The following PPEF2 variants were observed in gnomAD, a reference collection of about 807,000 sequenced individuals.
PPEF2 encodes protein phosphatase with EF-hand domain 2, also known as serine/threonine-protein phosphatase with EF-hands 2.
PPEF2 carries 84 observed loss-of-function variants against 84.7 expected under a neutral mutation model. The ratio of observed to expected loss-of-function variants is 0.99; its 90% confidence interval spans 0.83 to 1.19. The LOEUF (loss-of-function observed/expected upper bound fraction) is 1.19, where lower values mean the gene tolerates loss of function less well. Ranked by LOEUF, PPEF2 falls within the 50% of genes most tolerant of loss-of-function variation. The pLI is 0.00. For missense variants in PPEF2, 924 were observed against 937.5 expected (o/e 0.99, Z 0.19); for synonymous variants, 346 against 345.2 (o/e 1.00, Z -0.03).
At chr4:75,868,342 A>C (rs6531991) in intron 13 of PPEF2, among the ~76,000 whole-genome samples, 130,166 of 131,630 alleles carry the variant, frequency 0.99, 64,376 homozygotes, top group South Asian at 1. Context: ...AGAATATAAA[A>C]AGAGATAAAA....
Position 75,866,396 on chromosome 4 carries a change from A to T in PPEF2, c.1757-44T>A, listed in dbSNP as rs778834992. 4 of 1,602,598 alleles carry T rather than the reference A, an allele frequency of 2.5e-6. No homozygotes were observed. In the South Asian group the frequency reaches 3.4e-5, roughly 13 times the overall value. On this transcript the variant is annotated intron_variant, in intron 14 of 16. Transcript: ENST00000286719. ...CTGTTGCCTTGTCACCTAGAAGTCT[A>T]GTTTCCTGCCCAATGGTGTGTATAT...
At position 75,876,576 on chromosome 4, in the gene PPEF2, A is replaced by G. The variant is rs1724422206; in HGVS notation, c.1031T>C (p.Ile344Thr). Residue 344 changes from isoleucine to threonine, a missense_variant, in exon 11 of 17, where the codon ATC (isoleucine) becomes ACC (threonine). Transcript: ENST00000286719. ...ANQKSSAQGP[I>T]PWFLPESRSL... ...GCGGCTTTCGGGGAGAAACCATGGGATGGGTCCCTGTGCAGAGCTCTTCTG... is the reference window on the plus strand; with the variant it reads ...GCGGCTTTCGGGGAGAAACCATGGGGTGGGTCCCTGTGCAGAGCTCTTCTG... 6.2e-7 allele frequency: 1 copy of G among 1,613,942 alleles called. No individual in the cohort carries two copies. Among genetic ancestry groups the G allele is most frequent in the Non-Finnish European group, 8.5e-7 (1 of 1,179,964 alleles).
chr4:75,870,730 C>A (rs981869285), intron 13 of PPEF2, among the ~76,000 whole-genome samples: 1 of 152,080 alleles, frequency 6.6e-6, no homozygotes, highest in Admixed American at 6.6e-5. Flanking sequence ...GATTTAACAT[C>A]GGTTCTTTAA....
chr4:75,863,834 C>T (rs998642160), intron 16 of PPEF2, among the ~76,000 whole-genome samples: 5 of 150,988 alleles, frequency 3.3e-5, no homozygotes, highest in East Asian at 1.9e-4. Context: ...TGGCTATCTT[C>T]GATGGTAATA....
At chr4:75,863,133 C>T (rs537763882) in intron 16 of PPEF2, among the ~76,000 whole-genome samples, 2 of 151,978 alleles carry the variant, frequency 1.3e-5, no homozygotes, top group South Asian at 2.1e-4. Flanking sequence ...GCCAGGGACT[C>T]GTGGAGGAGG....
In PPEF2 at chr4:75,893,487, G is replaced by GACAC. The variant is rs10624574; in HGVS notation, c.56-1513_56-1510dup. Among the ~76,000 whole-genome samples, 722 of 148,834 alleles carry GACAC rather than the reference G, an allele frequency of 4.9e-3. 3 individuals are homozygous for GACAC. Among genetic ancestry groups the GACAC allele is most frequent in the African/African-American group, 0.012 (466 of 39,758 alleles). ...CACTTTAGCCTGGGCTAGAGACTCT[G>GACAC]ACACACACACACACACACACACTCA... On this transcript the variant is annotated intron_variant, in intron 2 of 16. Transcript: ENST00000286719.
chr4:75,861,019 CAGAG>C (rs1399357453), intron 16 of PPEF2, 99 bp from the exon 17 acceptor site: 2 of 1,331,822 alleles, frequency 1.5e-6, no homozygotes, highest in Non-Finnish European at 2.1e-6. Context: ...TACTGCTCAA[CAGAG>C]AGACACACAA....
chr4:75,884,299 G>T (rs547327199), intron 8 of PPEF2, among the ~76,000 whole-genome samples: 16 of 151,882 alleles, frequency 1.1e-4, no homozygotes, highest in Admixed American at 1.0e-3. Flanking sequence ...ATGGTGGTGC[G>T]TGCCTGTAAT....
chr4:75,876,661 T>C lies in PPEF2; in HGVS notation c.946A>G (p.Met316Val), dbSNP rs866894991. The C allele has an allele frequency of 3.9e-6, 6 of 1,549,000 alleles. No individual in the cohort carries two copies. Among genetic ancestry groups the C allele is most frequent in the Middle Eastern group, 3.5e-4 (2 of 5,750 alleles). The change falls in exon 11 of 17, where the codon ATG becomes GTG. Residue 316 changes from methionine to valine, a missense_variant. Met to Val is a conservative substitution (Grantham distance 21, BLOSUM62 1). Transcript: ENST00000286719. Reference protein sequence around the residue: ...KIERSKIVSTMRCKTRQKSEK... With the variant: ...KIERSKIVSTVRCKTRQKSEK... ...CTCTTCTGTCTCGTTTTGCACCTCA[T>C]GGTGGAAACTATCTAAACACGTCCA...
In PPEF2 at chr4:75,890,110, G is replaced by A; in HGVS notation, c.264C>T (p.Phe88=). The part of the protein sequence containing the change: ...HNDRDFLTRI[F]TEDRFAQDSE... ...AGTCCTGGGCGAATCTGTCCTCAGT[G>A]AATATGCGGGTCAGGAAGTCCCCTA... The change falls in exon 5 of 17, where the codon TTC becomes TTT. Residue 88 remains phenylalanine, a synonymous_variant. Coordinates refer to ENST00000286719, the MANE Select transcript of PPEF2 (RefSeq NM_006239.3). The A allele has an allele frequency of 6.2e-7, 1 of 1,614,040 alleles. No homozygotes were observed. The highest frequency in any genetic ancestry group is 8.5e-7 in the Non-Finnish European group (1 of 1,180,004).
intron 4 of PPEF2, among the ~76,000 whole-genome samples, chr4:75,891,447 C>CT (rs1724879618): frequency 6.6e-6 from 1 of 152,174 alleles, no homozygotes; most frequent in African/African-American, 2.4e-5. Flanking sequence ...AAATGAATTC[C>CT]TTGCGTCCAA....
rs1440134399 is a variant in PPEF2, at chr4:75,884,703, C to G, written c.637G>C (p.Gly213Arg). The change falls in exon 8 of 17, where the codon GGC (glycine) becomes CGC (arginine). Residue 213 changes from glycine (G) to arginine (R), a missense_variant. Physicochemically the swap from Gly to Arg is moderately radical, Grantham distance 125. Transcript: ENST00000286719. Reference sequence around the variant, plus strand: ...ATCAGGATCTCTACTGAATCCTTGCCTCGATCCACAAAGTCACCGTTGAAC... The same window carrying G: ...ATCAGGATCTCTACTGAATCCTTGCGTCGATCCACAAAGTCACCGTTGAAC... ...YVFNGDFVDR[G>R]KDSVEILMIL... is the part of the protein sequence containing the mutation. The G allele has an allele frequency of 6.2e-7, 1 of 1,613,314 alleles. No homozygotes were observed. Among genetic ancestry groups the G allele is most frequent in the East Asian group, 2.2e-5 (1 of 44,866 alleles).
chr4:75,869,576 G>C (rs1249913589), intron 13 of PPEF2, among the ~76,000 whole-genome samples: 1 of 152,220 alleles, frequency 6.6e-6, no homozygotes, highest in African/African-American at 2.4e-5. Context: ...GCCAGGCATG[G>C]TGGCTCGCAC....
intron 2 of PPEF2, among the ~76,000 whole-genome samples, chr4:75,893,862 C>CTTTTTTTCTT (rs6148525): frequency 6.7e-6 from 1 of 148,588 alleles, no homozygotes; most frequent in Non-Finnish European, 1.5e-5. Flanking sequence ...TTTCATTCTC[C>CTTTTTTTCTT]CTCTTTTTTT....
In PPEF2 at chr4:75,860,904, G is replaced by A. The variant is rs371542606; in HGVS notation, c.2025C>T (p.Asp675=). ...ACAGCTTCCAGGTCTGCCTGAACTC[G>A]TCCAGTGAGATGAACCCTTATCAGA... ...DSDHSGFISL[D]EFRQTWKLFS... Residue 675 remains aspartate (D), a synonymous_variant, in exon 17 of 17, where the codon GAC becomes GAT. Coordinates refer to ENST00000286719, the MANE Select transcript of PPEF2 (RefSeq NM_006239.3). 1.5e-5 allele frequency: 24 copies of A among 1,613,928 alleles called. No homozygotes were observed. The highest frequency in any genetic ancestry group is 1.6e-4 in the Middle Eastern group (1 of 6,084).
intron 2 of PPEF2, among the ~76,000 whole-genome samples, chr4:75,895,966 C>T (rs1287608065): frequency 6.6e-6 from 1 of 152,102 alleles, no homozygotes; most frequent in Non-Finnish European, 1.5e-5. Context: ...CGTGCTCTAC[C>T]CTCTGCCTGG....
rs750133004 is a variant in PPEF2 at position 75,866,211 on chromosome 4, G to A, written c.1898C>T (p.Ala633Val). 1 of 1,613,386 alleles carries A rather than the reference G, an allele frequency of 6.2e-7. No individual in the cohort carries two copies. Among genetic ancestry groups the A allele is most frequent in the East Asian group, 2.2e-5 (1 of 44,872 alleles). The change falls in exon 15 of 17, where the codon GCC becomes GTC. Residue 633 changes from alanine to valine, a missense_variant. Transcript: ENST00000286719. ...TACCTCGCGACTCAGTTGTTCCTTG[G>A]CCAAGTTCTTCAGCCAAGACTTGTA... The part of the protein sequence containing the change: ...LEYKSWLKNL[A>V]KEQLSRENIQ...
At chr4:75,895,443 AT>A (rs112265710) in intron 2 of PPEF2, among the ~76,000 whole-genome samples, 3 of 134,056 alleles carry the variant, frequency 2.2e-5, no homozygotes, top group Non-Finnish European at 4.8e-5. Context: ...ACAAAAAAAA[AT>A]TTTTTAGGTT....
Position 75,873,378 on chromosome 4 carries a change from A to T in PPEF2, c.1321-66T>A, listed in dbSNP as rs141428033. ...TACATATTCATCCACAGTCATTCAA[A>T]TGAAAGGAAGAGGAGGAGGAAAATA... On this transcript the variant is annotated intron_variant, in intron 11 of 16. Coordinates refer to ENST00000286719, the MANE Select transcript of PPEF2 (RefSeq NM_006239.3). 3 of 1,416,372 alleles carry T rather than the reference A, an allele frequency of 2.1e-6. No homozygotes were observed. In the African/African-American group the frequency reaches 4.3e-5, roughly 20 times the overall value. 87.7% of individuals were successfully genotyped at this position (1,416,372 alleles called of 1,614,324 possible).
Sources: gnomAD v4.1 joint callset for allele counts (sites outside exome capture counted in the v4.1 genomes callset) on GRCh38, gnomAD v4.1.1 for gene constraint, MANE v1.5 for transcripts, NCBI Gene and HGNC (gene_info 2026-07-23, HGNC 2026-07-21) for gene names.